Variants in DOK6 observed in about 807,000 individuals in gnomAD.
DOK6 encodes downstream of tyrosine kinase 6.
DOK6 carries 22 observed loss-of-function variants against 44.0 expected under a neutral mutation model. The observed-to-expected ratio is 0.50, with a 90% CI of 0.36 to 0.71. The LOEUF (loss-of-function observed/expected upper bound fraction) is 0.71. DOK6 is among the 30% of genes least tolerant of loss of function. DOK6 has a pLI of 0.00. For missense variants in DOK6, 340 were observed against 416.4 expected (o/e 0.82, Z 1.60); for synonymous variants, 166 against 145.5 (o/e 1.14, Z -1.01).
intron 1 of DOK6, among the ~76,000 whole-genome samples, chr18:69,443,321 C>A (rs907658559): frequency 6.6e-6 from 1 of 152,146 alleles, no homozygotes; most frequent in Admixed American, 6.5e-5. Context: ...TGTGAGAACA[C>A]CAGAGCACAG....
At chr18:69,413,352 C>T (rs548178205) in intron 1 of DOK6, among the ~76,000 whole-genome samples, 4 of 152,146 alleles carry the variant, frequency 2.6e-5, no homozygotes, top group Admixed American at 6.6e-5. Flanking sequence ...GACATTAGAG[C>T]ATCATTAGTG....
At chr18:69,558,722 A>G (rs937199328) in intron 1 of DOK6, among the ~76,000 whole-genome samples, 7 of 150,318 alleles carry the variant, frequency 4.7e-5, no homozygotes, top group African/African-American at 7.6e-5. Flanking sequence ...AAAGTGTCAC[A>G]TATCAGAGGA....
intron 1 of DOK6, among the ~76,000 whole-genome samples, chr18:69,534,853 A>T (rs1195381604): frequency 1.3e-5 from 2 of 152,148 alleles, no homozygotes; most frequent in Non-Finnish European, 2.9e-5. Context: ...ATTATATAAG[A>T]CATAAAATTA....
chr18:69,834,400 T>G (rs1415210359), intron 7 of DOK6, among the ~76,000 whole-genome samples: 1 of 151,328 alleles, frequency 6.6e-6, no homozygotes, highest in South Asian at 2.1e-4. Flanking sequence ...AGGAGATAAG[T>G]GACGTTGGTT....
At chr18:69,738,098 A>G (rs1240757363) in intron 5 of DOK6, among the ~76,000 whole-genome samples, 1 of 152,190 alleles carries the variant, frequency 6.6e-6, no homozygotes, top group Non-Finnish European at 1.5e-5. Flanking sequence ...GCCCTAAGGG[A>G]TCACAGTTGC....
At chr18:69,495,289 C>T (rs1488022685) in intron 1 of DOK6, among the ~76,000 whole-genome samples, 3 of 152,194 alleles carry the variant, frequency 2.0e-5, no homozygotes, top group Admixed American at 2.0e-4. Context: ...TTCAATGTGG[C>T]GAGCAAGGGG....
At chr18:69,443,954 CACACATAATCATATAT>C (rs1979208045) in intron 1 of DOK6, among the ~76,000 whole-genome samples, 1 of 133,254 alleles carries the variant, frequency 7.5e-6, no homozygotes, top group Non-Finnish European at 1.6e-5. Flanking sequence ...CATATGTACA[CACACATAATCATATAT>C]ATATATACAC....
intron 3 of DOK6, among the ~76,000 whole-genome samples, chr18:69,606,643 G>GA (rs1984002343): frequency 6.6e-6 from 1 of 151,342 alleles, no homozygotes; most frequent in Admixed American, 6.6e-5. Flanking sequence ...GAAACCCTAA[G>GA]ACTCCATTTA....
chr18:69,433,290 C>A (rs1204534617), intron 1 of DOK6, among the ~76,000 whole-genome samples: 1 of 152,146 alleles, frequency 6.6e-6, no homozygotes, highest in Non-Finnish European at 1.5e-5. Flanking sequence ...CAATTTTCTT[C>A]CTGAATTTTT....
intron 1 of DOK6, among the ~76,000 whole-genome samples, chr18:69,550,001 T>C (rs1414939215): frequency 6.6e-6 from 1 of 151,134 alleles, no homozygotes; most frequent in Admixed American, 6.6e-5. Flanking sequence ...CATGCCAAGA[T>C]ACTTTAGAAA....
intron 1 of DOK6, among the ~76,000 whole-genome samples, chr18:69,446,197 C>A (rs886960850): frequency 1.5e-4 from 16 of 105,672 alleles, no homozygotes; most frequent in African/African-American, 6.0e-4. Context: ...CTAATGCTAT[C>A]CCTCCCCCCT....
chr18:69,750,433 T>C (rs1368117340), intron 6 of DOK6, among the ~76,000 whole-genome samples: 1 of 152,152 alleles, frequency 6.6e-6, no homozygotes, highest in African/African-American at 2.4e-5. Flanking sequence ...TGAGCAGACA[T>C]TTTTCAAAAG....
At chr18:69,426,028 C>G (rs1480909594) in intron 1 of DOK6, among the ~76,000 whole-genome samples, 1 of 152,066 alleles carries the variant, frequency 6.6e-6, no homozygotes, top group African/African-American at 2.4e-5. Context: ...ATCCATTCAC[C>G]TGGATTGTTA....
At chr18:69,508,335 G>T (rs1284706625) in intron 1 of DOK6, among the ~76,000 whole-genome samples, 1 of 152,024 alleles carries the variant, frequency 6.6e-6, no homozygotes, top group Non-Finnish European at 1.5e-5. Context: ...CTCTTGTGAT[G>T]TCTTTTCTCT....
Position 69,523,051 on chromosome 18 carries a change from G to A in DOK6, c.67-41436G>A, listed in dbSNP as rs1981731609. ...AAGATCTAGAAAGTGGGACCAGAGG[G>A]AAGCAGATTTTCTAGGCTTCGCCAG... On this transcript the variant is annotated intron_variant, in intron 1 of 7. Coordinates refer to ENST00000382713, the MANE Select transcript of DOK6 (RefSeq NM_152721.6). Among the ~76,000 whole-genome samples, 5 of 152,070 alleles carry A rather than the reference G, an allele frequency of 3.3e-5. No homozygotes were observed. In the South Asian group the frequency reaches 8.3e-4, roughly 25 times the overall value.
At chr18:69,407,535 AT>A (rs1022881006) in intron 1 of DOK6, among the ~76,000 whole-genome samples, 3 of 152,184 alleles carry the variant, frequency 2.0e-5, no homozygotes, top group Non-Finnish European at 4.4e-5. Flanking sequence ...GATAGGGAAC[AT>A]TTTCATTAAC....
At chr18:69,457,484 C>G (rs973173864) in intron 1 of DOK6, among the ~76,000 whole-genome samples, 19 of 152,072 alleles carry the variant, frequency 1.2e-4, no homozygotes, top group African/African-American at 4.6e-4. Context: ...TTATGTTCCA[C>G]TGGTCTATGT....
intron 4 of DOK6, among the ~76,000 whole-genome samples, chr18:69,683,435 G>C (rs1259439783): frequency 6.6e-6 from 1 of 152,226 alleles, no homozygotes; most frequent in African/African-American, 2.4e-5. Context: ...AAGTTAAAAT[G>C]AGGTAATTAG....
chr18:69,736,590 CA>C (rs1252430719), intron 5 of DOK6, among the ~76,000 whole-genome samples: 17 of 152,172 alleles, frequency 1.1e-4, no homozygotes, highest in African/African-American at 4.1e-4. Context: ...TTCCCTGTTT[CA>C]CAAAATAAAT....
Sources: gnomAD v4.1 joint callset for allele counts (sites outside exome capture counted in the v4.1 genomes callset) on GRCh38, gnomAD v4.1.1 for gene constraint, MANE v1.5 for transcripts, NCBI Gene and HGNC (gene_info 2026-07-23, HGNC 2026-07-21) for gene names.